RGS22: variants seen among roughly 807,000 people sequenced by gnomAD.
RGS22 encodes regulator of G protein signaling 22.
A neutral mutation model predicts 172.9 loss-of-function variants in RGS22; 148 were observed. That is an observed-to-expected ratio of 0.86 (90% CI 0.75 to 0.98). The LOEUF is 0.98. Ranked by LOEUF, RGS22 falls within the 50% of genes least tolerant of loss-of-function variation. The probability of loss-of-function intolerance (pLI) is 0.00; values close to 1 mark genes in which losing one functional copy is unlikely to be tolerated. For synonymous variants in RGS22, 458 were observed against 480.2 expected, an observed-to-expected ratio of 0.95 and a Z score of 0.60; for missense variants, 1,347 against 1,440.8, an observed-to-expected ratio of 0.93 and a Z score of 1.05.
At chr8:100,010,558 A>T (rs1489821642) in intron 14 of RGS22, among the ~76,000 whole-genome samples, 2 of 151,962 alleles carry the variant, frequency 1.3e-5, no homozygotes, top group Non-Finnish European at 2.9e-5. Flanking sequence ...AACAATCACA[A>T]TTTCTGCTGC....
chr8:99,962,525 G>T, intron 26 of RGS22, 82 bp from the exon 27 acceptor site: 1 of 1,492,778 alleles, frequency 6.7e-7, no homozygotes, highest in Non-Finnish European at 9.3e-7. Flanking sequence ...AGAGAAGCAG[G>T]ACTCACACAC....
Position 100,004,020 on chromosome 8 carries a change from G to A in RGS22, c.2533C>T (p.Pro845Ser). ...SKRTEYWDNVPAEYKHFKFSD... is the reference protein window; with the variant it reads ...SKRTEYWDNVSAEYKHFKFSD... ...AACTTAAAATGCTTGTATTCTGCAG[G>A]AACATTATCCCAATATTCTGTTCGT... is the stretch of plus-strand genomic sequence containing the variant. The change falls in exon 17 of 28, where the codon CCT (proline) becomes TCT (serine). Residue 845 changes from proline to serine, a missense_variant. Physicochemically the swap from Pro to Ser is moderately conservative, Grantham distance 74. Transcript: ENST00000360863. 6.2e-7 allele frequency: 1 copy of A among 1,612,458 alleles called. No homozygotes were observed. Among genetic ancestry groups the A allele is most frequent in the South Asian group, 1.1e-5 (1 of 90,906 alleles).
At chr8:100,065,791 A>G (rs1172492359) in intron 7 of RGS22, among the ~76,000 whole-genome samples, 1 of 152,170 alleles carries the variant, frequency 6.6e-6, no homozygotes, top group African/African-American at 2.4e-5. Flanking sequence ...AAGACTTAAC[A>G]AGAATTTATA....
chr8:100,085,881 G>C (rs1350888396), intron 3 of RGS22, among the ~76,000 whole-genome samples: 1 of 152,142 alleles, frequency 6.6e-6, no homozygotes, highest in Non-Finnish European at 1.5e-5. Flanking sequence ...CAGAACATGA[G>C]TAGCTCAATT....
intron 22 of RGS22, among the ~76,000 whole-genome samples, chr8:99,979,491 G>C (rs1343847106): frequency 6.6e-6 from 1 of 152,088 alleles, no homozygotes; most frequent in Non-Finnish European, 1.5e-5. Flanking sequence ...AATAAATATA[G>C]AGCTACTTTA....
Position 100,040,066 on chromosome 8 carries a change from C to T in RGS22, c.1960G>A (p.Gly654Ser). The T allele has an allele frequency of 6.2e-7, 1 of 1,608,820 alleles. No individual in the cohort carries two copies. The highest frequency in any genetic ancestry group is 8.5e-7 in the Non-Finnish European group (1 of 1,178,316). Reference sequence around the variant, plus strand: ...TCCATGTCAGATCCTCCCAAGGCACCAACATCTGACACGGTTTTAACCTAG... The same window carrying T: ...TCCATGTCAGATCCTCCCAAGGCACTAACATCTGACACGGTTTTAACCTAG... ...EPRVKTVSDV[G>S]ALGGSDMENL... The change falls in exon 13 of 28, where the codon GGT (glycine) becomes AGT (serine). Residue 654 changes from glycine (G) to serine (S), a missense_variant. By Grantham distance (56) the Gly-to-Ser change is moderately conservative (BLOSUM62 0). Transcript: ENST00000360863.
Position 100,051,790 on chromosome 8 carries a change from A to AATATATATTTATATATAAATGTTT in RGS22, c.1689+988_1689+1011dup, listed in dbSNP as rs1315650290. On this transcript the variant is annotated intron_variant, in intron 10 of 27. Transcript: ENST00000360863. ...AAATGTTTATATATATTTATATATA[A>AATATATATTTATATATAAATGTTT]ATATATATTTATATATAAATGTTTA... Among the ~76,000 whole-genome samples the AATATATATTTATATATAAATGTTT allele has an allele frequency of 2.7e-4, 15 of 55,208 alleles. 3 individuals carry two copies. Among genetic ancestry groups the AATATATATTTATATATAAATGTTT allele is most frequent in the East Asian group, 6.0e-4 (1 of 1,672 alleles). The allele number at this position is 55,208 out of a possible 152,430, so 36.2% of individuals were successfully genotyped here. A position where few individuals can be genotyped will look rare whatever the true frequency, so the allele number is the denominator to read the frequency against.
intron 4 of RGS22, among the ~76,000 whole-genome samples, chr8:100,074,798 C>T (rs776966294): frequency 1.3e-5 from 2 of 151,526 alleles, no homozygotes; most frequent in Non-Finnish European, 2.9e-5. Flanking sequence ...GATGGAGTCT[C>T]GCTCTATCGC....
At chr8:99,997,019 T>C (rs565757398) in intron 19 of RGS22, among the ~76,000 whole-genome samples, 1 of 152,314 alleles carries the variant, frequency 6.6e-6, no homozygotes, top group South Asian at 2.1e-4. Context: ...CCATAGCAGA[T>C]AGATCCAGAA....
intron 23 of RGS22, among the ~76,000 whole-genome samples, chr8:99,972,891 G>A (rs1165075560): frequency 6.6e-6 from 1 of 151,748 alleles, no homozygotes; most frequent in East Asian, 1.9e-4. Context: ...AAAATTAGCT[G>A]GGTGTGGTGG....
chr8:99,996,431 C>T (rs750480810), intron 20 of RGS22, 31 bp downstream of exon 20: 2 of 1,577,466 alleles, frequency 1.3e-6, no homozygotes, highest in Admixed American at 1.7e-5. Flanking sequence ...GCAAAACTTA[C>T]AAGAGGAAGA....
intron 9 of RGS22, among the ~76,000 whole-genome samples, chr8:100,053,905 A>G (rs1038639409): frequency 1.3e-5 from 2 of 152,194 alleles, no homozygotes; most frequent in African/African-American, 4.8e-5. Flanking sequence ...AAGTGCTGGG[A>G]TTACAGGCGT....
intron 23 of RGS22, among the ~76,000 whole-genome samples, chr8:99,974,616 G>A (rs549470984): frequency 6.6e-6 from 1 of 151,814 alleles, no homozygotes; most frequent in East Asian, 1.9e-4. Flanking sequence ...TGGCCAACAT[G>A]GTGAAACCCC....
chr8:100,099,738 T>C (rs763859757), intron 2 of RGS22, among the ~76,000 whole-genome samples: 8 of 152,220 alleles, frequency 5.3e-5, no homozygotes, highest in Non-Finnish European at 4.4e-5. Context: ...GAATTCCAAA[T>C]AGCATAACAC....
intron 11 of RGS22, among the ~76,000 whole-genome samples, chr8:100,047,084 C>T (rs1000041795): frequency 1.3e-5 from 2 of 152,028 alleles, no homozygotes; most frequent in African/African-American, 2.4e-5. Flanking sequence ...CAAAATGCTG[C>T]GATTACAGCT....
At chr8:100,071,316 A>G in intron 6 of RGS22, 53 bp downstream of exon 6, 1 of 1,433,190 alleles carries the variant, frequency 7.0e-7, no homozygotes, top group South Asian at 1.4e-5. Flanking sequence ...TAAAAAATAA[A>G]ATCAGAAGTG....
chr8:100,093,429 T>C lies in RGS22; in HGVS notation c.117+18A>G, dbSNP rs199617669. ...GCTTTGATAATATATATTCAATAGA[T>C]CATAATAATAAACTCACTGGAAGGC... On this transcript the variant is annotated intron_variant, in intron 3 of 27. Coordinates refer to ENST00000360863, the MANE Select transcript of RGS22 (RefSeq NM_015668.5). The C allele has an allele frequency of 6.8e-7, 1 of 1,463,582 alleles. No individual in the cohort carries two copies. Among genetic ancestry groups the C allele is most frequent in the Non-Finnish European group, 9.5e-7 (1 of 1,053,870 alleles). The allele number at this position is 1,463,582 out of a possible 1,614,324, so 90.7% of individuals were successfully genotyped here.
At chr8:100,094,111 A>T (rs1459007531) in intron 2 of RGS22, among the ~76,000 whole-genome samples, 1 of 152,212 alleles carries the variant, frequency 6.6e-6, no homozygotes, top group East Asian at 1.9e-4. Context: ...CATTTTTTCC[A>T]TAACTATCTC....
At chr8:100,050,681 C>G (rs1318627252) in intron 10 of RGS22, among the ~76,000 whole-genome samples, 5 of 152,098 alleles carry the variant, frequency 3.3e-5, no homozygotes, top group African/African-American at 9.7e-5. Context: ...TACTGCAGCT[C>G]TATGCCAAAA....
Sources: allele counts gnomAD v4.1 joint callset (sites outside exome capture counted in the v4.1 genomes callset), GRCh38; gene constraint gnomAD v4.1.1; transcripts MANE v1.5; gene names NCBI Gene and HGNC (gene_info 2026-07-23, HGNC 2026-07-21).